The following VAV3 variants were observed in gnomAD, a reference collection of about 807,000 sequenced individuals.
VAV3 encodes the protein vav guanine nucleotide exchange factor 3.
In VAV3, 94 loss-of-function variants were observed where a neutral mutation model predicts 131.2. The observed-to-expected ratio is 0.72, with a 90% CI of 0.61 to 0.85. The LOEUF (loss-of-function observed/expected upper bound fraction) is 0.85, where lower values mean the gene tolerates loss of function less well. Ranked by LOEUF, VAV3 falls within the 40% of genes least tolerant of loss-of-function variation. The pLI is 0.00. For missense variants in VAV3, 939 were observed against 1,002.7 expected, an observed-to-expected ratio of 0.94 and a Z score of 0.86; for synonymous variants, 349 against 342.0, an observed-to-expected ratio of 1.02 and a Z score of -0.22.
chr1:107,572,095 G>T lies in VAV3; in HGVS notation c.*1236C>A, dbSNP rs1649302308. Reference sequence around the variant, plus strand: ...TCTTAACTTGACTGCCTTGAATGGGGACTCTGGACCCCAGGAAGAATGTAT... The same window carrying T: ...TCTTAACTTGACTGCCTTGAATGGGTACTCTGGACCCCAGGAAGAATGTAT... On this transcript the variant is annotated 3_prime_UTR_variant, in exon 27 of 27. Transcript: ENST00000370056. 6.6e-6 allele frequency: 1 copy of T among 152,216 alleles called. No homozygotes were observed. The highest frequency in any genetic ancestry group is 1.5e-5 in the Non-Finnish European group (1 of 68,060). The allele number at this position is 152,216 out of a possible 1,614,324, so 9.4% of individuals were successfully genotyped here.
chr1:107,722,069 T>G (rs1661535943), intron 15 of VAV3, among the ~76,000 whole-genome samples: 1 of 152,184 alleles, frequency 6.6e-6, no homozygotes, highest in Admixed American at 6.5e-5. Flanking sequence ...TATCTGGGTA[T>G]CCAAAAGAAC....
chr1:107,584,609 G>A, intron 25 of VAV3, among the ~76,000 whole-genome samples: 1 of 152,100 alleles, frequency 6.6e-6, no homozygotes, highest in Middle Eastern at 3.4e-3. Context: ...AAAAAAACTA[G>A]GAATAATTTA....
chr1:107,950,763 A>C (rs768954719), intron 1 of VAV3, among the ~76,000 whole-genome samples: 1 of 152,154 alleles, frequency 6.6e-6, no homozygotes, highest in Non-Finnish European at 1.5e-5. Flanking sequence ...ACAGGACTCG[A>C]GAGTACACAG....
At chr1:107,853,010 T>C (rs1365985207) in intron 2 of VAV3, among the ~76,000 whole-genome samples, 1 of 152,154 alleles carries the variant, frequency 6.6e-6, no homozygotes, top group Non-Finnish European at 1.5e-5. Flanking sequence ...TTTTTTTAAT[T>C]TGTATTGATT....
chr1:107,832,130 G>A (rs995342349), intron 2 of VAV3, among the ~76,000 whole-genome samples: 3 of 152,228 alleles, frequency 2.0e-5, no homozygotes, highest in Non-Finnish European at 4.4e-5. Context: ...TGAAGGGATG[G>A]CAAGGACTTG....
chr1:107,815,310 T>C (rs943019425), intron 2 of VAV3, among the ~76,000 whole-genome samples: 1 of 152,116 alleles, frequency 6.6e-6, no homozygotes, highest in African/African-American at 2.4e-5. Flanking sequence ...CAGACTAACT[T>C]GGGAGTTAGT....
intron 15 of VAV3, among the ~76,000 whole-genome samples, chr1:107,737,860 T>A (rs1375510787): frequency 6.6e-6 from 1 of 152,192 alleles, no homozygotes; most frequent in African/African-American, 2.4e-5. Flanking sequence ...ACTGGGTATA[T>A]ACCCAAAGGA....
At chr1:107,780,015 C>T (rs1257541319) in intron 2 of VAV3, among the ~76,000 whole-genome samples, 1 of 152,180 alleles carries the variant, frequency 6.6e-6, no homozygotes, top group Non-Finnish European at 1.5e-5. Context: ...ACAGAAAGTT[C>T]TATTGGACAG....
intron 15 of VAV3, among the ~76,000 whole-genome samples, chr1:107,723,132 T>C (rs1195884546): frequency 6.6e-6 from 1 of 152,188 alleles, no homozygotes; most frequent in Admixed American, 6.5e-5. Context: ...GTATTTTGTA[T>C]CCTCATAAAT....
At chr1:107,749,301 G>T (rs2102058097) in intron 14 of VAV3, among the ~76,000 whole-genome samples, 161 bp downstream of exon 14, 1 of 152,136 alleles carries the variant, frequency 6.6e-6, no homozygotes, top group South Asian at 2.1e-4. Context: ...TCTGGCTGTG[G>T]CATTATCCAG....
chr1:107,876,990 A>T (rs1022058732), intron 1 of VAV3, among the ~76,000 whole-genome samples: 1 of 151,976 alleles, frequency 6.6e-6, no homozygotes, highest in African/African-American at 2.4e-5. Flanking sequence ...TACTTCATCT[A>T]TTAATACATT....
At chr1:107,696,731 T>C (rs1570770909) in intron 17 of VAV3, among the ~76,000 whole-genome samples, 1 of 152,212 alleles carries the variant, frequency 6.6e-6, no homozygotes, top group African/African-American at 2.4e-5. Context: ...TGCTTTCAAT[T>C]TGGCTGTTGA....
intron 15 of VAV3, among the ~76,000 whole-genome samples, chr1:107,730,563 A>G (rs1051165293): frequency 2.6e-5 from 4 of 152,242 alleles, no homozygotes; most frequent in African/African-American, 9.7e-5. Context: ...ATCTTGAAAT[A>G]AATTAACTTG....
chr1:107,963,077 A>G (rs993037932), intron 1 of VAV3, among the ~76,000 whole-genome samples: 7 of 152,242 alleles, frequency 4.6e-5, no homozygotes, highest in Admixed American at 4.6e-4. Context: ...ATCCATTGTT[A>G]GCATTCAAAT....
At chr1:107,788,006 G>GT (rs1345832601) in intron 2 of VAV3, among the ~76,000 whole-genome samples, 1 of 152,100 alleles carries the variant, frequency 6.6e-6, no homozygotes, top group Non-Finnish European at 1.5e-5. Context: ...CTTTCTGGAA[G>GT]TAAGTGCCAG....
Position 107,874,844 on chromosome 1 carries a change from C to T in VAV3, c.321+57G>A. 3 of 1,469,792 alleles carry T rather than the reference C, an allele frequency of 2.0e-6. No homozygotes were observed. In the South Asian group the frequency reaches 3.4e-5, roughly 17 times the overall value. The allele number at this position is 1,469,792 out of a possible 1,614,324, so 91.0% of individuals were successfully genotyped here. On this transcript the variant is annotated intron_variant, in intron 2 of 26. Coordinates refer to ENST00000370056, the MANE Select transcript of VAV3 (RefSeq NM_006113.5). ...ACATGCCCTACTTCAAGATTTGAAA[C>T]AATTTGCTTAAATGCTTTCCAGTTA...
intron 2 of VAV3, among the ~76,000 whole-genome samples, chr1:107,786,493 C>T (rs1024698155): frequency 6.6e-6 from 1 of 152,178 alleles, no homozygotes; most frequent in African/African-American, 2.4e-5. Flanking sequence ...CATCACTTAT[C>T]AAACAAGTTT....
chr1:107,773,811 G>A (rs1665185803), intron 4 of VAV3, among the ~76,000 whole-genome samples: 1 of 152,174 alleles, frequency 6.6e-6, no homozygotes, highest in South Asian at 2.1e-4. Context: ...GGATAGGAAG[G>A]TCTGGTGAGT....
chr1:107,731,459 T>C (rs1433438429), intron 15 of VAV3, among the ~76,000 whole-genome samples: 1 of 152,212 alleles, frequency 6.6e-6, no homozygotes, highest in Non-Finnish European at 1.5e-5. Flanking sequence ...CTTAGAGGGA[T>C]AGCAATCTTC....
Sources: allele counts gnomAD v4.1 joint callset (sites outside exome capture counted in the v4.1 genomes callset), GRCh38; gene constraint gnomAD v4.1.1; transcripts MANE v1.5; gene names NCBI Gene and HGNC (gene_info 2026-07-23, HGNC 2026-07-21).